SLC24A2: variants seen among roughly 807,000 people sequenced by gnomAD.
SLC24A2 encodes the protein solute carrier family 24 member 2, also known as sodium/potassium/calcium exchanger 2.
A neutral mutation model predicts 62.0 loss-of-function variants in SLC24A2; 36 were observed. The ratio of observed to expected loss-of-function variants is 0.58; its 90% CI spans 0.44 to 0.77. SLC24A2 has a LOEUF of 0.77. SLC24A2 is among the 30% of genes least tolerant of loss of function. The probability of loss-of-function intolerance (pLI) is 0.00; values close to 1 mark genes in which losing one functional copy is unlikely to be tolerated. For synonymous variants in SLC24A2, 358 were observed against 294.0 expected, an observed-to-expected ratio of 1.22 and a Z score of -2.23; for missense variants, 846 against 817.9, an observed-to-expected ratio of 1.03 and a Z score of -0.42.
the SLC24A2 span, among the ~76,000 whole-genome samples, chr9:19,973,334 A>AG: frequency 6.6e-6 from 1 of 152,250 alleles, no homozygotes; most frequent in Non-Finnish European, 1.5e-5. Flanking sequence ...CAACTCCCTA[A>AG]GGGAGAAAAA....
chr9:19,794,928 C>A, the SLC24A2 span, among the ~76,000 whole-genome samples: 263 of 152,186 alleles, frequency 1.7e-3, 1 homozygote, highest in African/African-American at 5.6e-3. Context: ...CTAAGCTAGA[C>A]TCTACCTATT....
At chr9:19,671,115 G>A (rs530674989) in intron 2 of SLC24A2, among the ~76,000 whole-genome samples, 7 of 67,342 alleles carry the variant, frequency 1.0e-4, no homozygotes, top group South Asian at 7.2e-4. Flanking sequence ...TGGAAATCGC[G>A]TTGAATTTGT....
At chr9:20,051,657 C>CTCTTTTTTTTTTTTTTCTT in the SLC24A2 span, among the ~76,000 whole-genome samples, 1 of 73,514 alleles carries the variant, frequency 1.4e-5, no homozygotes, top group Non-Finnish European at 2.4e-5. Context: ...TTTTCTTTCT[C>CTCTTTTTTTTTTTTTTCTT]TTTTTTTTTT....
chr9:20,087,235 T>C, the SLC24A2 span, among the ~76,000 whole-genome samples: 11 of 148,174 alleles, frequency 7.4e-5, no homozygotes, highest in African/African-American at 2.9e-4. Context: ...GCACCTACTA[T>C]ATGCCAGACA....
At position 19,507,840 on chromosome 9, in the gene SLC24A2, C is replaced by A. The variant is rs796329150; in HGVS notation, c.*8313G>T. 6.6e-6 allele frequency: 1 copy of A among 152,088 alleles called. No homozygotes were observed. Among genetic ancestry groups the A allele is most frequent in the Admixed American group, 6.6e-5 (1 of 15,266 alleles). 9.4% of individuals were successfully genotyped at this position (152,088 alleles called of 1,614,324 possible). ...TAGGGGTTACAATGCTCCTTTAAAA[C>A]GGAGGCGAACAAAGGAAGCATGAGA... On this transcript the variant is annotated 3_prime_UTR_variant, in exon 11 of 11. Coordinates refer to ENST00000341998, the MANE Select transcript of SLC24A2 (RefSeq NM_020344.4).
At chr9:19,915,847 G>C in the SLC24A2 span, among the ~76,000 whole-genome samples, 2 of 151,780 alleles carry the variant, frequency 1.3e-5, no homozygotes, top group African/African-American at 4.8e-5. Context: ...TATATTATTT[G>C]CACAAATTTT....
At chr9:20,101,667 G>A in the SLC24A2 span, among the ~76,000 whole-genome samples, 1 of 152,102 alleles carries the variant, frequency 6.6e-6, no homozygotes, top group Non-Finnish European at 1.5e-5. Context: ...ATGGAGACCT[G>A]ACCTTTCCCT....
intron 2 of SLC24A2, among the ~76,000 whole-genome samples, chr9:19,782,579 C>T (rs900037713): frequency 5.3e-5 from 8 of 152,220 alleles, no homozygotes; most frequent in East Asian, 1.9e-4. Context: ...AGGGGTATGA[C>T]GGACTGCTTA....
rs566205788 is a variant in SLC24A2 at position 19,767,646 on chromosome 9, G to T, written c.930+18291C>A. Among the ~76,000 whole-genome samples the T allele has an allele frequency of 4.6e-5, 7 of 152,304 alleles. No individual in the cohort carries two copies. In the East Asian group the frequency reaches 1.4e-3, roughly 29 times the overall value. On this transcript the variant is annotated intron_variant, in intron 2 of 10. Coordinates refer to ENST00000341998, the MANE Select transcript of SLC24A2 (RefSeq NM_020344.4). ...GTGGGCTGCATGCACTGTCTAACCA[G>T]TCCCAGTGAGGTGAACCGGGTACCT...
chr9:19,774,149 A>G (rs1285873706), intron 2 of SLC24A2, among the ~76,000 whole-genome samples: 1 of 152,208 alleles, frequency 6.6e-6, no homozygotes, highest in East Asian at 1.9e-4. Flanking sequence ...AGCACAGAGA[A>G]GGGACTCAGA....
At chr9:20,166,836 A>C in the SLC24A2 span, among the ~76,000 whole-genome samples, 1 of 151,980 alleles carries the variant, frequency 6.6e-6, no homozygotes. Flanking sequence ...CCTAATACCA[A>C]ATGCAAACAG....
At chr9:20,051,657 C>CTTTTT in the SLC24A2 span, among the ~76,000 whole-genome samples, 6,024 of 72,968 alleles carry the variant, frequency 0.083, 458 homozygotes, top group East Asian at 0.11. Flanking sequence ...TTTTCTTTCT[C>CTTTTT]TTTTTTTTTT....
intron 4 of SLC24A2, among the ~76,000 whole-genome samples, chr9:19,605,202 G>T (rs531284830): frequency 6.6e-6 from 1 of 152,258 alleles, no homozygotes; most frequent in African/African-American, 2.4e-5. Flanking sequence ...ACACCCAAAG[G>T]GTGGCCTAAG....
the SLC24A2 span, among the ~76,000 whole-genome samples, chr9:20,094,003 C>T: frequency 2.6e-5 from 4 of 151,996 alleles, no homozygotes; most frequent in Non-Finnish European, 4.4e-5. Context: ...ATAGTGTGGT[C>T]CCTGAGAGTT....
At chr9:19,530,872 T>G (rs1833675422) in intron 8 of SLC24A2, among the ~76,000 whole-genome samples, 1 of 152,150 alleles carries the variant, frequency 6.6e-6, no homozygotes, top group Admixed American at 6.5e-5. Context: ...GATCCTGAAC[T>G]AGAGATAAAA....
the SLC24A2 span, among the ~76,000 whole-genome samples, chr9:20,087,211 T>C: frequency 6.6e-6 from 1 of 152,158 alleles, no homozygotes; most frequent in Admixed American, 6.5e-5. Context: ...AATTCATTAA[T>C]AAATATTTAT....
the SLC24A2 span, among the ~76,000 whole-genome samples, chr9:19,934,618 C>T: frequency 6.6e-6 from 1 of 152,248 alleles, no homozygotes; most frequent in East Asian, 1.9e-4. The surrounding 1 kb of genome is among the most constrained non-coding windows in gnomAD (Gnocchi z 4.1). Context: ...CAGCCAGCAC[C>T]TCCTGCCTCA....
the SLC24A2 span, among the ~76,000 whole-genome samples, chr9:20,024,569 G>A: frequency 5.9e-5 from 9 of 152,156 alleles, no homozygotes; most frequent in African/African-American, 1.4e-4. Flanking sequence ...CATTGGGAAC[G>A]TGATAAGATT....
At chr9:19,955,173 TC>T in the SLC24A2 span, among the ~76,000 whole-genome samples, 1 of 152,138 alleles carries the variant, frequency 6.6e-6, no homozygotes, top group Non-Finnish European at 1.5e-5. Context: ...GGTAATTGTT[TC>T]CTGTGTGGTG....
Sources: allele counts gnomAD v4.1 joint callset (sites outside exome capture counted in the v4.1 genomes callset), GRCh38; gene constraint gnomAD v4.1.1; non-coding constraint Gnocchi (gnomAD v3.1); transcripts MANE v1.5; gene names NCBI Gene and HGNC (gene_info 2026-07-23, HGNC 2026-07-21).